MAN2B2: variants seen among roughly 807,000 people sequenced by gnomAD.
MAN2B2 encodes the protein mannosidase alpha class 2B member 2.
A neutral mutation model predicts 117.1 loss-of-function variants in MAN2B2; 106 were observed. The observed-to-expected ratio is 0.90, with a 90% CI of 0.77 to 1.06. MAN2B2 has a LOEUF of 1.06. MAN2B2 is among the 50% of genes least tolerant of loss of function. The probability of loss-of-function intolerance (pLI) is 0.00; values close to 1 mark genes in which losing one functional copy is unlikely to be tolerated. For synonymous variants in MAN2B2, 544 were observed against 595.1 expected (o/e 0.91, Z 1.25); for missense variants, 1,326 against 1,381.4 (o/e 0.96, Z 0.64).
At chr4:6,576,115 C>T (rs1320570826) in intron 1 of MAN2B2, among the ~76,000 whole-genome samples, 1 of 152,160 alleles carries the variant, frequency 6.6e-6, no homozygotes, top group African/African-American at 2.4e-5. Context: ...GCCTAGACGC[C>T]AGGGACAGCC....
chr4:6,617,305 G>GCT (rs1711927913), intron 16 of MAN2B2, 75 bp from the exon 17 acceptor site: 1 of 1,110,726 alleles, frequency 9.0e-7, no homozygotes, highest in African/African-American at 1.5e-5. Context: ...AGTGTGTAAA[G>GCT]CAGCGGGTAT....
intron 3 of MAN2B2, among the ~76,000 whole-genome samples, chr4:6,582,329 T>TTGC (rs1229044917): frequency 1.3e-5 from 2 of 152,154 alleles, no homozygotes; most frequent in Non-Finnish European, 2.9e-5. Context: ...GTTGTTGTTG[T>TTGC]TGCCGTTGCT....
chr4:6,616,142 C>T (rs572648956), intron 16 of MAN2B2, among the ~76,000 whole-genome samples: 2 of 152,118 alleles, frequency 1.3e-5, no homozygotes, highest in East Asian at 3.9e-4. Flanking sequence ...AATTCTAATC[C>T]CAGACAGATT....
chr4:6,609,917 T>C lies in MAN2B2; in HGVS notation c.2126T>C (p.Leu709Pro). The C allele has an allele frequency of 6.2e-7, 1 of 1,614,162 alleles. No homozygotes were observed. The highest frequency in any genetic ancestry group is 8.5e-7 in the Non-Finnish European group (1 of 1,180,032). The stretch of plus-strand genomic sequence containing the variant: ...GAGCAGGAGTACCAAGCCGGCCCCC[T>C]GGAGCTGAACCGTGAGGCTGTCCTG... ...RIEQEYQAGPLELNREAVLRT... is the reference protein window; with the variant it reads ...RIEQEYQAGPPELNREAVLRT... Residue 709 changes from leucine to proline, a missense_variant, in exon 13 of 19, where the codon CTG becomes CCG. Physicochemically the swap from Leu to Pro is moderately conservative, Grantham distance 98 (BLOSUM62 -3). Transcript: ENST00000285599.
At chr4:6,593,423 C>T in intron 6 of MAN2B2, 73 bp downstream of exon 6, 1 of 1,442,634 alleles carries the variant, frequency 6.9e-7, no homozygotes, top group Non-Finnish European at 9.2e-7. Flanking sequence ...GTCCCTGCAC[C>T]CAGGGCCACC....
intron 12 of MAN2B2, 80 bp downstream of exon 12, chr4:6,609,378 T>C: frequency 7.1e-7 from 1 of 1,415,710 alleles, no homozygotes; most frequent in Non-Finnish European, 9.7e-7. Context: ...TGAGGGTCTG[T>C]CTTTGCTCTG....
intron 15 of MAN2B2, 45 bp from the exon 16 acceptor site, chr4:6,614,173 G>GTTGAGCC: frequency 6.3e-7 from 1 of 1,597,618 alleles, no homozygotes; most frequent in South Asian, 1.1e-5. Context: ...AGGAGGAGGA[G>GTTGAGCC]TTGAGCCCCA....
chr4:6,600,902 T>C, intron 10 of MAN2B2, 146 bp downstream of exon 10: 1 of 1,040,406 alleles, frequency 9.6e-7, no homozygotes, highest in Non-Finnish European at 1.4e-6. Context: ...AGAAGCAAAG[T>C]GGGGTTTTTT....
In MAN2B2 at chr4:6,576,727, A is replaced by C; in HGVS notation, c.285+3A>C. 1 of 1,613,658 alleles carries C rather than the reference A, an allele frequency of 6.2e-7. No individual in the cohort carries two copies. The highest frequency in any genetic ancestry group is 8.5e-7 in the Non-Finnish European group (1 of 1,179,806). Reference sequence around the variant, plus strand: ...CCTCGGACCAGCAGAAATACCAGGTAATGAGGTCACCAGGTGACACAGTTG... The same window carrying C: ...CCTCGGACCAGCAGAAATACCAGGTCATGAGGTCACCAGGTGACACAGTTG... On this transcript the variant is annotated splice_donor_region_variant and intron_variant, in intron 2 of 18. Transcript: ENST00000285599.
At chr4:6,594,273 T>A (rs1374405666) in intron 6 of MAN2B2, among the ~76,000 whole-genome samples, 1 of 152,036 alleles carries the variant, frequency 6.6e-6, no homozygotes, top group Non-Finnish European at 1.5e-5. Flanking sequence ...TAAAACCCTG[T>A]CTCTACTAAA....
At chr4:6,610,493 C>T (rs1285937695) in intron 13 of MAN2B2, among the ~76,000 whole-genome samples, 5 of 152,190 alleles carry the variant, frequency 3.3e-5, no homozygotes, top group Non-Finnish European at 5.9e-5. Context: ...TGTATCTGCC[C>T]GTTCAGGGCT....
At chr4:6,614,470 C>A in intron 16 of MAN2B2, 115 bp downstream of exon 16, 3 of 1,262,220 alleles carry the variant, frequency 2.4e-6, no homozygotes, top group South Asian at 2.9e-5. Flanking sequence ...TCTGCAAGGT[C>A]ACCTGGTTTC....
At chr4:6,593,529 C>T (rs961155078) in intron 6 of MAN2B2, among the ~76,000 whole-genome samples, 179 bp downstream of exon 6, 1 of 152,234 alleles carries the variant, frequency 6.6e-6, no homozygotes. Flanking sequence ...CAGCCCCTCC[C>T]CCACCTGGAA....
intron 8 of MAN2B2, 79 bp from the exon 9 acceptor site, chr4:6,598,101 AGCCAGAATGAGAGCCAGC>A: frequency 3.6e-6 from 5 of 1,384,990 alleles, no homozygotes; most frequent in Non-Finnish European, 5.0e-6. Context: ...GCACCTGGCA[AGCCAGAATGAGAGCCAGC>A]GCCTAGTAGG....
At chr4:6,603,634 C>T (rs558876822) in intron 10 of MAN2B2, among the ~76,000 whole-genome samples, 8 of 152,238 alleles carry the variant, frequency 5.3e-5, no homozygotes, top group African/African-American at 1.7e-4. Context: ...CTGTTCTAGG[C>T]GCTGGGGATG....
At position 6,611,133 on chromosome 4, in the gene MAN2B2, C is replaced by CTA; in HGVS notation, c.2419_2420dup (p.Asn808ThrfsTer5). The CTA allele has an allele frequency of 6.2e-7, 1 of 1,613,886 alleles. No homozygotes were observed. Among genetic ancestry groups the CTA allele is most frequent in the South Asian group, 1.1e-5 (1 of 91,074 alleles). ...GGAACAACTTCGACTGGGACCTGGG[C>CTA]TACAACCTCACGCTGAACGACACCT... On this transcript the variant is annotated frameshift_variant, in exon 15 of 19. Coordinates refer to ENST00000285599, the MANE Select transcript of MAN2B2 (RefSeq NM_015274.3). LOFTEE classifies it high-confidence loss of function.
chr4:6,610,569 T>C (rs1458641267), intron 13 of MAN2B2, among the ~76,000 whole-genome samples: 1 of 152,240 alleles, frequency 6.6e-6, no homozygotes, highest in African/African-American at 2.4e-5. Flanking sequence ...AAGAATAGTA[T>C]GTGCCTTGGC....
intron 18 of MAN2B2, 69 bp downstream of exon 18, chr4:6,620,113 G>A: frequency 7.5e-7 from 1 of 1,333,946 alleles, no homozygotes; most frequent in Admixed American, 2.1e-5. Flanking sequence ...GTCAGACCCG[G>A]TGCACATCCA....
chr4:6,581,993 T>C (rs1439008596), intron 3 of MAN2B2, among the ~76,000 whole-genome samples: 2 of 152,074 alleles, frequency 1.3e-5, no homozygotes, highest in East Asian at 3.9e-4. Flanking sequence ...TGCCCCTCCC[T>C]GAGGGGACAC....
Sources: gnomAD v4.1 joint callset for allele counts (sites outside exome capture counted in the v4.1 genomes callset) on GRCh38, gnomAD v4.1.1 for gene constraint, MANE v1.5 for transcripts, NCBI Gene and HGNC (gene_info 2026-07-23, HGNC 2026-07-21) for gene names.